LEKR1: variants seen among roughly 807,000 people sequenced by gnomAD.
The protein encoded by LEKR1 is leucine, glutamate and lysine rich 1.
Under a neutral mutation model 72.4 loss-of-function variants are expected in LEKR1, and 59 were observed. That is an observed-to-expected ratio of 0.82 (90% confidence interval 0.66 to 1.01). LEKR1 has a LOEUF of 1.01. Among genes scored for constraint, LEKR1 ranks in the 50% least tolerant of loss-of-function variants. LEKR1 has a pLI of 0.00. For missense variants in LEKR1, 728 were observed against 759.2 expected, an observed-to-expected ratio of 0.96 and a Z score of 0.48; for synonymous variants, 257 against 263.2, an observed-to-expected ratio of 0.98 and a Z score of 0.23.
At chr3:156,949,667 A>G (rs1726983336) in intron 6 of LEKR1, among the ~76,000 whole-genome samples, 2 of 151,354 alleles carry the variant, frequency 1.3e-5, no homozygotes, top group South Asian at 4.1e-4. Flanking sequence ...TAGGGTTTTC[A>G]CAAGGATTTT....
chr3:157,020,483 G>A (rs60275122), intron 10 of LEKR1, among the ~76,000 whole-genome samples: 2,475 of 129,482 alleles, frequency 0.019, 59 homozygotes, highest in East Asian at 0.1. Flanking sequence ...CTGTGTCCAT[G>A]TGTTCTCGTT....
At chr3:156,947,274 C>T (rs1726770979) in intron 6 of LEKR1, among the ~76,000 whole-genome samples, 1 of 150,942 alleles carries the variant, frequency 6.6e-6, no homozygotes, top group Non-Finnish European at 1.5e-5. Context: ...TTGCTGGATC[C>T]CATAGGTTTT....
At chr3:157,016,757 C>T (rs1428656352) in intron 10 of LEKR1, among the ~76,000 whole-genome samples, 1 of 151,798 alleles carries the variant, frequency 6.6e-6, no homozygotes, top group Non-Finnish European at 1.5e-5. Flanking sequence ...AAATATATGA[C>T]AATAATAACA....
At chr3:156,917,360 A>G (rs1333216992) in intron 3 of LEKR1, among the ~76,000 whole-genome samples, 3 of 152,142 alleles carry the variant, frequency 2.0e-5, no homozygotes, top group Non-Finnish European at 4.4e-5. Context: ...AAACTAAAGA[A>G]ATCAGTTTCT....
chr3:156,831,660 C>T (rs1040408564), intron 2 of LEKR1, among the ~76,000 whole-genome samples: 9 of 152,080 alleles, frequency 5.9e-5, no homozygotes, highest in South Asian at 2.1e-4. Context: ...TGTGCAGGGG[C>T]GCTCCTCTTT....
intron 10 of LEKR1, among the ~76,000 whole-genome samples, chr3:157,017,969 AAAAG>A (rs1455729397): frequency 1.3e-5 from 2 of 150,852 alleles, no homozygotes; most frequent in Admixed American, 6.6e-5. Flanking sequence ...AAAAAAAAAA[AAAAG>A]AAAGCTGGAG....
intron 3 of LEKR1, among the ~76,000 whole-genome samples, chr3:156,873,449 G>T (rs1718199097): frequency 6.6e-6 from 1 of 151,862 alleles, no homozygotes; most frequent in South Asian, 2.1e-4. Context: ...GCATATTCTT[G>T]TCATTGATTT....
intron 9 of LEKR1, among the ~76,000 whole-genome samples, chr3:156,993,658 T>C (rs1731318076): frequency 6.6e-6 from 1 of 152,222 alleles, no homozygotes; most frequent in Non-Finnish European, 1.5e-5. Context: ...TATCACTTTT[T>C]CCTTCTATTG....
chr3:156,966,955 A>G (rs538607009), intron 6 of LEKR1, among the ~76,000 whole-genome samples: 1 of 152,330 alleles, frequency 6.6e-6, no homozygotes, highest in South Asian at 2.1e-4. Flanking sequence ...TCAGGCAGCA[A>G]CATTTGCTGC....
In LEKR1 at chr3:156,982,853, GTGTAGATAGATAGA is replaced by G. The variant is rs1465750842; in HGVS notation, c.827+3580_827+3593del. Reference sequence around the variant, plus strand: ...TATATATGAATATGTGTGTGTGTGTGTGTAGATAGATAGATAGATAGATAGATAGATAGATAGAT... The same window carrying G: ...TATATATGAATATGTGTGTGTGTGTGTAGATAGATAGATAGATAGATAGAT... On this transcript the variant is annotated intron_variant, in intron 7 of 12. Transcript: ENST00000356539. 2.8e-3 allele frequency among the ~76,000 whole-genome samples: 383 copies of G among 137,700 alleles called. 1 individual carries two copies. The highest frequency in any genetic ancestry group is 9.6e-3 in the African/African-American group (360 of 37,308). The allele number at this position is 137,700 out of a possible 152,430, so 90.3% of individuals were successfully genotyped here. A position where few individuals can be genotyped will look rare whatever the true frequency, so the allele number is the denominator to read the frequency against.
At chr3:156,999,003 G>A (rs1387378219) in intron 9 of LEKR1, among the ~76,000 whole-genome samples, 5 of 152,032 alleles carry the variant, frequency 3.3e-5, no homozygotes, top group South Asian at 2.1e-4. Flanking sequence ...TGCCATTCTC[G>A]TGATAGTGAG....
chr3:156,986,800 A>G (rs943067088), intron 7 of LEKR1, among the ~76,000 whole-genome samples: 3 of 152,222 alleles, frequency 2.0e-5, no homozygotes, highest in African/African-American at 4.8e-5. Flanking sequence ...ACCTTTTACT[A>G]TCATCATTGT....
At chr3:156,862,038 A>G (rs1321321136) in intron 3 of LEKR1, among the ~76,000 whole-genome samples, 1 of 152,098 alleles carries the variant, frequency 6.6e-6, no homozygotes, top group African/African-American at 2.4e-5. Context: ...CCTTGTTACT[A>G]AAACTGGCAA....
At chr3:156,904,430 T>A (rs950142165) in intron 3 of LEKR1, among the ~76,000 whole-genome samples, 11 of 151,050 alleles carry the variant, frequency 7.3e-5, no homozygotes, top group South Asian at 2.1e-4. Flanking sequence ...TTTTTTTTTT[T>A]ACTTTTTAAA....
intron 3 of LEKR1, among the ~76,000 whole-genome samples, chr3:156,890,529 T>C (rs1720543055): frequency 6.6e-6 from 1 of 152,242 alleles, no homozygotes; most frequent in South Asian, 2.1e-4. Flanking sequence ...TTTTTAATTA[T>C]TTCTAAATAT....
intron 2 of LEKR1, among the ~76,000 whole-genome samples, chr3:156,848,007 G>T (rs554999698): frequency 7.9e-5 from 12 of 152,312 alleles, no homozygotes; most frequent in African/African-American, 2.9e-4. Context: ...CACCCATCAA[G>T]AGTTTTCTTT....
rs189381054 is a variant in LEKR1, at chr3:156,954,475, G to T, written c.745+11761G>T. On this transcript the variant is annotated intron_variant, in intron 6 of 12. Coordinates refer to ENST00000356539, the MANE Select transcript of LEKR1 (RefSeq NM_001004316.3). ...GATATTGCCTAGATTTTCTTCTAGG[G>T]TTTTTATAGCTTTGGGTTTTACATT... Among the ~76,000 whole-genome samples, 437 of 152,024 alleles carry T rather than the reference G, an allele frequency of 2.9e-3. 1 individual carries two copies. The highest frequency in any genetic ancestry group is 0.01 in the African/African-American group (416 of 41,478).
intron 6 of LEKR1, among the ~76,000 whole-genome samples, chr3:156,952,413 ATG>A (rs1727240006): frequency 6.6e-6 from 1 of 151,526 alleles, no homozygotes; most frequent in Non-Finnish European, 1.5e-5. Flanking sequence ...ATAGATTCTC[ATG>A]AAAACTGTGA....
At chr3:156,860,189 T>C (rs1460171739) in intron 3 of LEKR1, among the ~76,000 whole-genome samples, 2 of 152,182 alleles carry the variant, frequency 1.3e-5, no homozygotes, top group African/African-American at 2.4e-5. Flanking sequence ...GTTGGTTTTT[T>C]AGTCAAATTA....
Sources: allele counts gnomAD v4.1 joint callset (sites outside exome capture counted in the v4.1 genomes callset), GRCh38; gene constraint gnomAD v4.1.1; transcripts MANE v1.5; gene names NCBI Gene and HGNC (gene_info 2026-07-23, HGNC 2026-07-21).